AOPEP: variants seen among roughly 807,000 people sequenced by gnomAD.
AOPEP encodes the protein aminopeptidase O (putative), also known as aminopeptidase O.
In AOPEP, 77 loss-of-function variants were observed where a neutral mutation model predicts 98.1. The ratio of observed to expected loss-of-function variants is 0.78; its 90% CI spans 0.65 to 0.95. The LOEUF (loss-of-function observed/expected upper bound fraction) is 0.95. Among genes scored for constraint, AOPEP ranks in the 40% least tolerant of loss-of-function variants. The pLI, the probability that AOPEP is intolerant of heterozygous loss-of-function variation, is 0.00. For missense variants in AOPEP, 1,024 were observed against 1,024.7 expected (o/e 1.00, Z 0.01); for synonymous variants, 346 against 365.3 (o/e 0.95, Z 0.60).
chr9:94,789,715 A>T (rs1178129348), intron 3 of AOPEP, among the ~76,000 whole-genome samples: 2 of 152,138 alleles, frequency 1.3e-5, no homozygotes, highest in Non-Finnish European at 2.9e-5. Context: ...TTTCATCAAG[A>T]CGTCTGTGAC....
At chr9:94,835,201 G>A (rs1430189673) in intron 5 of AOPEP, among the ~76,000 whole-genome samples, 1 of 152,140 alleles carries the variant, frequency 6.6e-6, no homozygotes, top group Non-Finnish European at 1.5e-5. Flanking sequence ...GTGCGTAAGT[G>A]GGCAGAATAG....
At chr9:94,726,782 C>T (rs1587903188) in intron 1 of AOPEP, 31 bp downstream of exon 1, 1 of 152,342 alleles carries the variant, frequency 6.6e-6, no homozygotes, top group Non-Finnish European at 1.5e-5. Context: ...TGGGTCCCTG[C>T]CTTCCTCTCC....
At chr9:95,089,761 C>A (rs2070840616), downstream of AOPEP, among the ~76,000 whole-genome samples, 1 of 152,222 alleles carries the variant, frequency 6.6e-6, no homozygotes, top group Non-Finnish European at 1.5e-5. Flanking sequence ...GTTTCCCAGC[C>A]TCAGCTCAGC....
At chr9:95,134,783 C>T in the AOPEP span, among the ~76,000 whole-genome samples, 1 of 152,212 alleles carries the variant, frequency 6.6e-6, no homozygotes. Flanking sequence ...GGTGGATGTC[C>T]ACGTGGGCTG....
At chr9:94,756,653 A>G (rs1456118201) in intron 1 of AOPEP, among the ~76,000 whole-genome samples, 1 of 152,066 alleles carries the variant, frequency 6.6e-6, no homozygotes, top group Non-Finnish European at 1.5e-5. Flanking sequence ...TCCTTGTTGG[A>G]GTTCAGTCAG....
chr9:94,954,279 G>A (rs1365721433), intron 7 of AOPEP, among the ~76,000 whole-genome samples: 2 of 152,070 alleles, frequency 1.3e-5, no homozygotes, highest in African/African-American at 2.4e-5. Flanking sequence ...AGCCAAGATC[G>A]CACCACTGCG....
At chr9:94,772,935 C>G in intron 2 of AOPEP, 67 bp from the exon 3 acceptor site, 1 of 1,447,232 alleles carries the variant, frequency 6.9e-7, no homozygotes. Flanking sequence ...CACTACCATA[C>G]TGGTGAGAAA....
chr9:95,145,933 C>T, the AOPEP span, among the ~76,000 whole-genome samples: 1 of 151,862 alleles, frequency 6.6e-6, no homozygotes, highest in Admixed American at 6.6e-5. Context: ...AACCATAAAC[C>T]AAAGGCAATG....
chr9:94,874,962 G>A (rs2046750162), intron 5 of AOPEP, among the ~76,000 whole-genome samples: 1 of 152,164 alleles, frequency 6.6e-6, no homozygotes. Flanking sequence ...CCTTTCACCT[G>A]TGTAAGGGGC....
At position 95,039,736 on chromosome 9, in the gene AOPEP, C is replaced by CTTCATTCATTCA. The variant is rs35690560; in HGVS notation, c.2116-20937_2116-20926dup. 2.4e-3 allele frequency among the ~76,000 whole-genome samples: 362 copies of CTTCATTCATTCA among 150,530 alleles called. 1 individual carries two copies. The highest frequency in any genetic ancestry group is 3.8e-3 in the African/African-American group (156 of 41,016). On this transcript the variant is annotated intron_variant, in intron 13 of 16. Transcript: ENST00000375315. Reference sequence around the variant, plus strand: ...GTTTATCCCTGCTATAGACATGTTTCTTCATTCATTCATTCATTCATTCAT... The same window carrying CTTCATTCATTCA: ...GTTTATCCCTGCTATAGACATGTTTCTTCATTCATTCATTCATTCATTCATTCATTCATTCAT...
chr9:95,029,288 T>C (rs2064100490), intron 13 of AOPEP, among the ~76,000 whole-genome samples: 1 of 152,194 alleles, frequency 6.6e-6, no homozygotes, highest in Admixed American at 6.5e-5. Context: ...CTGAATTCCT[T>C]ATGGGCATTG....
intron 13 of AOPEP, among the ~76,000 whole-genome samples, chr9:95,043,350 G>A (rs1361641667): frequency 2.0e-5 from 3 of 151,016 alleles, no homozygotes; most frequent in South Asian, 2.1e-4. Flanking sequence ...TTTGCATTTC[G>A]CTTAAATGAA....
chr9:94,824,105 G>A (rs1259595521), intron 5 of AOPEP, among the ~76,000 whole-genome samples: 1 of 152,084 alleles, frequency 6.6e-6, no homozygotes, highest in Non-Finnish European at 1.5e-5. Context: ...CCAGAGGAGG[G>A]TACAACAGGA....
At chr9:95,088,335 G>A (rs1345422562), downstream of AOPEP, among the ~76,000 whole-genome samples, 3 of 151,968 alleles carry the variant, frequency 2.0e-5, no homozygotes, top group Admixed American at 1.3e-4. Context: ...CCAGCCTCCC[G>A]AGTAGCTGGG....
At chr9:94,850,132 G>GC (rs530306725) in intron 5 of AOPEP, among the ~76,000 whole-genome samples, 2 of 152,072 alleles carry the variant, frequency 1.3e-5, no homozygotes, top group South Asian at 4.1e-4. Flanking sequence ...CACCTGCTGT[G>GC]CAGCCTGGTT....
At position 94,775,208 on chromosome 9, in the gene AOPEP, AATTT is replaced by A. The variant is rs147148610; in HGVS notation, c.964+2044_964+2047del. Among the ~76,000 whole-genome samples, 241 of 152,136 alleles carry A rather than the reference AATTT, an allele frequency of 1.6e-3. 2 individuals carry two copies. Among genetic ancestry groups the A allele is most frequent in the African/African-American group, 5.6e-3 (232 of 41,502 alleles). On this transcript the variant is annotated intron_variant, in intron 3 of 16. Coordinates refer to ENST00000375315, the MANE Select transcript of AOPEP (RefSeq NM_001193329.3). ...TTTTATAACTCTTTAATCAGTCTGT[AATTT>A]ATTCTCATCAGGTTGTGAAATGAGG...
chr9:94,783,228 A>G (rs996131970), intron 3 of AOPEP, among the ~76,000 whole-genome samples: 9 of 152,204 alleles, frequency 5.9e-5, no homozygotes, highest in African/African-American at 2.2e-4. Flanking sequence ...TGTTCAGCAG[A>G]TGGCGCTCTT....
chr9:94,772,987 G>A lies in AOPEP; in HGVS notation c.798-15G>A, dbSNP rs1841231730. 6.4e-7 allele frequency: 1 copy of A among 1,567,480 alleles called. No individual in the cohort carries two copies. Among genetic ancestry groups the A allele is most frequent in the Non-Finnish European group, 8.7e-7 (1 of 1,151,726 alleles). On this transcript the variant is annotated splice_polypyrimidine_tract_variant and intron_variant, in intron 2 of 16. Coordinates refer to ENST00000375315, the MANE Select transcript of AOPEP (RefSeq NM_001193329.3). Reference sequence around the variant, plus strand: ...AAAGATTCACCCCCTTTCTTTCTTTGTCTCTCTTCTGCAGGCCATGTGTTT... The same window carrying A: ...AAAGATTCACCCCCTTTCTTTCTTTATCTCTCTTCTGCAGGCCATGTGTTT...
At chr9:95,109,067 A>G in the AOPEP span, among the ~76,000 whole-genome samples, 1 of 152,018 alleles carries the variant, frequency 6.6e-6, no homozygotes. Context: ...ACATTACCAT[A>G]CCTGGCTAAT....
Sources: allele counts gnomAD v4.1 joint callset (sites outside exome capture counted in the v4.1 genomes callset), GRCh38; gene constraint gnomAD v4.1.1; transcripts MANE v1.5; gene names NCBI Gene and HGNC (gene_info 2026-07-23, HGNC 2026-07-21).